Variants in EPHA7 observed in about 807,000 individuals in gnomAD.
EPHA7 encodes EPH receptor A7, also known as ephrin type-A receptor 7.
In EPHA7, 25 loss-of-function variants were observed where a neutral mutation model predicts 112.6. That is an observed-to-expected ratio of 0.22 (90% confidence interval 0.16 to 0.31). EPHA7 has a LOEUF of 0.31. EPHA7 is among the 10% of genes least tolerant of loss of function. EPHA7 has a pLI of 1.00. For missense variants in EPHA7, 962 were observed against 1,212.6 expected (o/e 0.79, Z 3.07); for synonymous variants, 437 against 406.5 (o/e 1.07, Z -0.90).
rs370828521 is a variant in EPHA7, at chr6:93,313,185, G to A, written c.1325-40763C>T. On this transcript the variant is annotated intron_variant, in intron 5 of 16. Transcript: ENST00000369303. ...ACAGCCTTCAATTCGTAAAAAATGC[G>A]ATATCTGCAAAACAGAATAAAACCA... 1.2e-4 allele frequency among the ~76,000 whole-genome samples: 19 copies of A among 152,216 alleles called. No individual in the cohort carries two copies. The South Asian group carries it at 2.3e-3, about 18-fold the overall frequency.
chr6:93,283,952 A>T (rs1771920652), intron 5 of EPHA7, among the ~76,000 whole-genome samples: 1 of 152,194 alleles, frequency 6.6e-6, no homozygotes, highest in Non-Finnish European at 1.5e-5. Flanking sequence ...CATAAAATAT[A>T]ATTGAAGGTA....
intron 5 of EPHA7, among the ~76,000 whole-genome samples, chr6:93,275,595 T>C (rs548998520): frequency 1.4e-5 from 1 of 73,166 alleles, no homozygotes; most frequent in Non-Finnish European, 3.0e-5. Flanking sequence ...TCTTCACAAA[T>C]GACAATGACA....
intron 5 of EPHA7, among the ~76,000 whole-genome samples, chr6:93,292,576 CT>C (rs1350375773): frequency 6.6e-6 from 1 of 152,016 alleles, no homozygotes; most frequent in African/African-American, 2.4e-5. Context: ...TGGAGTACTA[CT>C]GTATTAGGCT....
chr6:93,382,721 T>G (rs546146865), intron 3 of EPHA7, among the ~76,000 whole-genome samples: 1 of 152,094 alleles, frequency 6.6e-6, no homozygotes, highest in Non-Finnish European at 1.5e-5. Context: ...TCCTACTCGC[T>G]CCATGTGGGT....
chr6:93,255,706 C>A, intron 13 of EPHA7, 122 bp downstream of exon 13: 2 of 830,104 alleles, frequency 2.4e-6, no homozygotes. Flanking sequence ...AAAAAAGCAA[C>A]CTCAAAATGC....
chr6:93,248,748 G>A (rs1434587293), intron 14 of EPHA7, among the ~76,000 whole-genome samples: 2 of 152,112 alleles, frequency 1.3e-5, no homozygotes, highest in Admixed American at 6.5e-5. Context: ...TGTCATCCAG[G>A]AGTGCAGTGG....
chr6:93,349,227 A>G (rs1258194589), intron 5 of EPHA7, among the ~76,000 whole-genome samples: 1 of 151,838 alleles, frequency 6.6e-6, no homozygotes, highest in African/African-American at 2.4e-5. Flanking sequence ...CTAAATAAAA[A>G]TGTAAATGTA....
At chr6:93,278,346 C>T (rs1771567293) in intron 5 of EPHA7, among the ~76,000 whole-genome samples, 1 of 151,956 alleles carries the variant, frequency 6.6e-6, no homozygotes, top group African/African-American at 2.4e-5. Context: ...AATAGAATTT[C>T]TCTTAATGTG....
At chr6:93,332,857 T>C (rs1391175679) in intron 5 of EPHA7, among the ~76,000 whole-genome samples, 2 of 151,790 alleles carry the variant, frequency 1.3e-5, no homozygotes, top group Non-Finnish European at 2.9e-5. Flanking sequence ...ACTAATTTCA[T>C]ATTTATTTTT....
At chr6:93,281,757 A>G (rs937518157) in intron 5 of EPHA7, among the ~76,000 whole-genome samples, 1 of 152,194 alleles carries the variant, frequency 6.6e-6, no homozygotes. Flanking sequence ...AATTTTTGAC[A>G]TGATAACATA....
intron 11 of EPHA7, 104 bp downstream of exon 11, chr6:93,257,991 CATTT>C (rs978068980): frequency 1.9e-6 from 2 of 1,080,968 alleles, no homozygotes; most frequent in Admixed American, 2.5e-5. Context: ...AAAACACATT[CATTT>C]AGACTGTGCA....
At chr6:93,284,752 A>C (rs1771971115) in intron 5 of EPHA7, among the ~76,000 whole-genome samples, 1 of 148,178 alleles carries the variant, frequency 6.7e-6, no homozygotes, top group African/African-American at 2.5e-5. Flanking sequence ...AAGAACAGAA[A>C]CCCAAACACC....
Position 93,254,769 on chromosome 6 carries a change from C to T in EPHA7, c.2410G>A (p.Ala804Thr), listed in dbSNP as rs1219702649. 1 of 1,612,520 alleles carries T rather than the reference C, an allele frequency of 6.2e-7. No individual in the cohort carries two copies. Among genetic ancestry groups the T allele is most frequent in the South Asian group, 1.1e-5 (1 of 90,886 alleles). Residue 804 changes from alanine (A) to threonine (T), a missense_variant, in exon 14 of 17, where the codon GCA becomes ACA. This residue lies in a region of EPHA7 where 746 missense variants were observed against 889.2 expected (regional missense o/e 0.84). Transcript: ENST00000369303. Reference sequence around the variant, plus strand: ...TTCCGGTACTGGATGGCTTCGGGTGCTGTCCACCTTACTGGAATTTTTCCA... The same window carrying T: ...TTCCGGTACTGGATGGCTTCGGGTGTTGTCCACCTTACTGGAATTTTTCCA... ...TGGKIPVRWTAPEAIQYRKFT... is the reference protein window; with the variant it reads ...TGGKIPVRWTTPEAIQYRKFT...
At chr6:93,369,762 T>A (rs1340777214) in intron 3 of EPHA7, among the ~76,000 whole-genome samples, 1 of 152,202 alleles carries the variant, frequency 6.6e-6, no homozygotes, top group Admixed American at 6.5e-5. Flanking sequence ...GTCCAGCACA[T>A]AGCAGGAGGT....
intron 3 of EPHA7, among the ~76,000 whole-genome samples, chr6:93,382,573 A>G (rs1375836637): frequency 6.6e-6 from 1 of 152,052 alleles, no homozygotes; most frequent in Non-Finnish European, 1.5e-5. Context: ...TCTGCTAACA[A>G]GTTTGCTTTG....
chr6:93,374,456 T>C (rs1481003538), intron 3 of EPHA7, among the ~76,000 whole-genome samples: 4 of 152,240 alleles, frequency 2.6e-5, no homozygotes, highest in Non-Finnish European at 4.4e-5. Flanking sequence ...GTCAAATATA[T>C]TACCTTTATA....
chr6:93,419,427 T>G lies in EPHA7; in HGVS notation c.-86A>C. The G allele has an allele frequency of 1.8e-6, 2 of 1,116,932 alleles. No homozygotes were observed. The highest frequency in any genetic ancestry group is 3.9e-5 in the Admixed American group (2 of 51,312). The allele number at this position is 1,116,932 out of a possible 1,614,324, so 69.2% of individuals were successfully genotyped here. A position where few individuals can be genotyped will look rare whatever the true frequency, so the allele number is the denominator to read the frequency against. ...TGTTTGTTCCGAAGTAGCTTTTGTT[T>G]TATTGTGCTCCTTGCATCGATTCCC... On this transcript the variant is annotated 5_prime_UTR_variant, in exon 1 of 17. It removes the in-frame stop codon of an upstream open reading frame in the 5' UTR. Coordinates refer to ENST00000369303, the MANE Select transcript of EPHA7 (RefSeq NM_004440.4).
chr6:93,261,718 C>T (rs1383488690), intron 9 of EPHA7, among the ~76,000 whole-genome samples: 3 of 151,134 alleles, frequency 2.0e-5, no homozygotes, highest in Admixed American at 6.6e-5. Context: ...ATCTTAAAAC[C>T]ACCATTGCTA....
intron 5 of EPHA7, among the ~76,000 whole-genome samples, chr6:93,336,525 C>A (rs1774879527): frequency 1.3e-5 from 2 of 152,150 alleles, no homozygotes; most frequent in Admixed American, 6.6e-5. Context: ...GCCTCAGCCT[C>A]CCGAGTAGCT....
Sources: allele counts gnomAD v4.1 joint callset (sites outside exome capture counted in the v4.1 genomes callset), GRCh38; gene constraint gnomAD v4.1.1; regional missense constraint gnomAD v4.1.1; transcripts MANE v1.5; gene names NCBI Gene and HGNC (gene_info 2026-07-23, HGNC 2026-07-21).